Variants in PBX1 observed in about 807,000 individuals in gnomAD.
PBX1 encodes the protein PBX homeobox 1.
Under a neutral mutation model 53.4 loss-of-function variants are expected in PBX1, and 6 were observed. The observed-to-expected ratio is 0.11, with a 90% CI of 0.06 to 0.22. PBX1 has a LOEUF of 0.22. Among genes scored for constraint, PBX1 ranks in the 10% least tolerant of loss-of-function variants. The pLI, the probability that PBX1 is intolerant of heterozygous loss-of-function variation, is 1.00. For synonymous variants in PBX1, 204 were observed against 212.3 expected, an observed-to-expected ratio of 0.96 and a Z score of 0.34; for missense variants, 251 against 551.4, an observed-to-expected ratio of 0.46 and a Z score of 5.46.
chr1:164,879,261 T>G lies in PBX1; in HGVS notation n.258-19927T>G, dbSNP rs58896972. On this transcript the variant is annotated intron_variant and non_coding_transcript_variant, in intron 2 of 2. Transcript: ENST00000558796. Reference sequence around the variant, plus strand: ...GCCTGATTGGCACAGAATTCACCTTTGAGAAACACCTATTTGGAGTTGGGG... The same window carrying G: ...GCCTGATTGGCACAGAATTCACCTTGGAGAAACACCTATTTGGAGTTGGGG... Among the ~76,000 whole-genome samples, 1,176 of 152,324 alleles carry G rather than the reference T, an allele frequency of 7.7e-3. 21 individuals carry two copies. The highest frequency in any genetic ancestry group is 0.027 in the African/African-American group (1,108 of 41,572).
intron 2 of PBX1, among the ~76,000 whole-genome samples, chr1:164,746,544 G>T (rs1813662): frequency 0.27 from 41,074 of 151,598 alleles, 5,915 homozygotes; most frequent in South Asian, 0.49. Context: ...GCCCGGCTAA[G>T]TTTTGTATTC....
At chr1:164,884,467 G>A in intron 2 of PBX1, 1 of 441,594 alleles carries the variant, frequency 2.3e-6, no homozygotes, top group Non-Finnish European at 4.4e-6. Flanking sequence ...CTCTTTGATA[G>A]CAGTCATGAT....
At chr1:164,712,968 A>G (rs1040464889) in intron 2 of PBX1, among the ~76,000 whole-genome samples, 1 of 152,192 alleles carries the variant, frequency 6.6e-6, no homozygotes, top group African/African-American at 2.4e-5. Context: ...TGCCCTGCCC[A>G]ACTCATCATC....
At chr1:164,644,891 C>T (rs994968766) in intron 2 of PBX1, among the ~76,000 whole-genome samples, 1 of 152,212 alleles carries the variant, frequency 6.6e-6, no homozygotes, top group East Asian at 1.9e-4. Flanking sequence ...TCTCTTTCAG[C>T]TGCTCCTCCT....
intron 2 of PBX1, among the ~76,000 whole-genome samples, chr1:164,764,827 A>G (rs1666984483): frequency 6.6e-6 from 1 of 152,188 alleles, no homozygotes. Context: ...AGAAGTGTGC[A>G]TATATCTTTA....
Position 164,821,597 on chromosome 1 carries a change from A to T in PBX1, c.1171A>T (p.Ser391Cys). ...TGGYSDGLAA[S>C]QMYSPQGISA... ...AGGATACAGTGATGGACTCGCAGCCAGTCAGATGTACAGTCCGCAGGGCAT... is the reference window on the plus strand; with the variant it reads ...AGGATACAGTGATGGACTCGCAGCCTGTCAGATGTACAGTCCGCAGGGCAT... The change falls in exon 8 of 9, where the codon AGT becomes TGT. Residue 391 changes from serine (S) to cysteine (C), a missense_variant. By Grantham distance (112) the Ser-to-Cys change is moderately radical (BLOSUM62 -1). Transcript: ENST00000420696. 6.2e-7 allele frequency: 1 copy of T among 1,614,048 alleles called. No homozygotes were observed. The highest frequency in any genetic ancestry group is 8.5e-7 in the Non-Finnish European group (1 of 1,179,928).
intron 3 of PBX1, among the ~76,000 whole-genome samples, chr1:164,793,276 T>C (rs1668614735): frequency 1.3e-5 from 2 of 152,166 alleles, no homozygotes; most frequent in Admixed American, 6.5e-5. Flanking sequence ...GTCAAACGTA[T>C]TCCCTCTTTT....
chr1:164,662,913 CCTT>C (rs1203085782), intron 2 of PBX1, among the ~76,000 whole-genome samples: 1 of 152,010 alleles, frequency 6.6e-6, no homozygotes, highest in African/African-American at 2.4e-5. Flanking sequence ...ACTAGAACTA[CCTT>C]CTTCATTTAT....
chr1:164,798,601 T>C (rs1388032404), intron 3 of PBX1, among the ~76,000 whole-genome samples: 2 of 152,240 alleles, frequency 1.3e-5, no homozygotes, highest in Non-Finnish European at 2.9e-5. Flanking sequence ...GTTTGCTGTG[T>C]GCCTGTGGAA....
intron 2 of PBX1, among the ~76,000 whole-genome samples, chr1:164,580,527 G>C (rs931723689): frequency 6.7e-6 from 1 of 148,672 alleles, no homozygotes; most frequent in Non-Finnish European, 1.5e-5. Context: ...TGATCCACCT[G>C]CCTCGGCCTC....
At chr1:164,767,812 A>G (rs971980314) in intron 2 of PBX1, among the ~76,000 whole-genome samples, 4 of 152,228 alleles carry the variant, frequency 2.6e-5, no homozygotes, top group African/African-American at 9.6e-5. Flanking sequence ...AACAGATGGG[A>G]TAGAAATTTA....
intron 2 of PBX1, chr1:164,680,048 A>C (rs572669069): frequency 3.3e-4 from 50 of 152,322 alleles, no homozygotes; most frequent in African/African-American, 1.2e-3. Flanking sequence ...GAGTAAGACC[A>C]TGGAGTAGAG....
At chr1:164,651,426 T>C (rs1372296707) in intron 2 of PBX1, among the ~76,000 whole-genome samples, 1 of 152,032 alleles carries the variant, frequency 6.6e-6, no homozygotes, top group Non-Finnish European at 1.5e-5. Flanking sequence ...CTGTCTCGTT[T>C]CCCTACCCTC....
intron 2 of PBX1, among the ~76,000 whole-genome samples, chr1:164,652,575 A>G (rs979367123): frequency 1.3e-5 from 2 of 152,148 alleles, no homozygotes; most frequent in Non-Finnish European, 2.9e-5. Context: ...AGAGGGTTAC[A>G]TTTCAGATCC....
intron 1 of PBX1, 122 bp from the exon 2 acceptor site, chr1:164,563,116 G>A: frequency 1.7e-6 from 1 of 589,788 alleles, no homozygotes; most frequent in Non-Finnish European, 3.1e-6. Flanking sequence ...ACTGAAGCAT[G>A]CCACAGAGTT....
intron 2 of PBX1, among the ~76,000 whole-genome samples, chr1:164,879,817 T>G (rs1672603733): frequency 6.6e-6 from 1 of 152,228 alleles, no homozygotes; most frequent in South Asian, 2.1e-4. Flanking sequence ...TTATTCCATG[T>G]GAATACATGC....
intron 2 of PBX1, among the ~76,000 whole-genome samples, chr1:164,790,878 A>G (rs1284789810): frequency 6.6e-6 from 1 of 152,016 alleles, no homozygotes; most frequent in Non-Finnish European, 1.5e-5. Flanking sequence ...CCCTGTTACA[A>G]CCCGAAGCCC....
intron 2 of PBX1, among the ~76,000 whole-genome samples, chr1:164,686,972 A>C (rs1332387582): frequency 2.6e-5 from 4 of 152,078 alleles, no homozygotes; most frequent in Non-Finnish European, 4.4e-5. Context: ...AAAAACCAAA[A>C]AAACGAAAAC....
rs187111912 is a variant in PBX1 at position 164,850,930 on chromosome 1, G to T, written c.*4254G>T. 1.8e-4 allele frequency: 39 copies of T among 212,904 alleles called. No individual in the cohort carries two copies. Among genetic ancestry groups the T allele is most frequent in the African/African-American group, 7.0e-4 (31 of 44,292 alleles). The allele number at this position is 212,904 out of a possible 1,614,324, so 13.2% of individuals were successfully genotyped here. On this transcript the variant is annotated 3_prime_UTR_variant, in exon 9 of 9. Transcript: ENST00000420696. ...CATGAGGCCTCTTCCAACCAAAGAG[G>T]CCTTTTCTTCCAGGAGAGTCCCGCA...
Sources: gnomAD v4.1 joint callset for allele counts (sites outside exome capture counted in the v4.1 genomes callset) on GRCh38, gnomAD v4.1.1 for gene constraint, MANE v1.5 for transcripts, NCBI Gene and HGNC (gene_info 2026-07-23, HGNC 2026-07-21) for gene names.